P4HB: variants seen among roughly 807,000 people sequenced by gnomAD.
The protein encoded by P4HB is protein disulfide-isomerase.
P4HB carries 20 observed loss-of-function variants against 52.6 expected under a neutral mutation model. The ratio of observed to expected loss-of-function variants is 0.38; its 90% CI spans 0.27 to 0.55. The LOEUF is 0.55. P4HB is among the 20% of genes least tolerant of loss of function. P4HB has a pLI of 0.74. For missense variants in P4HB, 601 were observed against 669.2 expected (o/e 0.90, Z 1.12); for synonymous variants, 296 against 277.9 (o/e 1.07, Z -0.65).
rs1481329269 is a variant in P4HB at position 81,845,897 on chromosome 17, T to A, written c.1151A>T (p.Glu384Val). 1 of 1,613,740 alleles carries A rather than the reference T, an allele frequency of 6.2e-7. No individual in the cohort carries two copies. The highest frequency in any genetic ancestry group is 8.5e-7 in the Non-Finnish European group (1 of 1,179,970). The change falls in exon 8 of 11, where the codon GAG becomes GTG. Residue 384 changes from glutamate (E) to valine (V), a missense_variant. Physicochemically the swap from Glu to Val is moderately radical, Grantham distance 121. Transcript: ENST00000331483. ...GKNFEDVAFD[E>V]KKNVFVEFYA... ...GAACTCCACAAAGACGTTTTTTTTC[T>A]CATCAAAAGCCACGTCTTCAAAGTT...
chr17:81,856,165 A>G (rs770583875), intron 2 of P4HB, among the ~76,000 whole-genome samples: 1 of 150,472 alleles, frequency 6.6e-6, no homozygotes, highest in Non-Finnish European at 1.5e-5. Flanking sequence ...CACCAATCCC[A>G]GCCCTTTTTT....
chr17:81,855,527 T>A lies in P4HB; in HGVS notation c.412A>T (p.Thr138Ser). Residue 138 changes from threonine (T) to serine (S), a missense_variant, in exon 3 of 11, where the codon ACC (threonine) becomes TCC (serine). Physicochemically the swap from Thr to Ser is moderately conservative, Grantham distance 58 (BLOSUM62 1). Coordinates refer to ENST00000331483, the MANE Select transcript of P4HB (RefSeq NM_000918.4). This position sits in a 1 kb window ranked among gnomAD's most constrained non-coding sequence, Gnocchi z 4.3. ...GCAGCTGCGCCGTCAGGCAGGGTGG[T>A]GGCAGCCGGGCCCGTGCGCTTCTTC... ...WLKKRTGPAA[T>S]TLPDGAAAES... 1 of 1,613,974 alleles carries A rather than the reference T, an allele frequency of 6.2e-7. No homozygotes were observed. Among genetic ancestry groups the A allele is most frequent in the Middle Eastern group, 1.6e-4 (1 of 6,062 alleles).
intron 4 of P4HB, among the ~76,000 whole-genome samples, chr17:81,848,731 T>C (rs1209128342): frequency 1.1e-5 from 1 of 87,706 alleles, no homozygotes; most frequent in Non-Finnish European, 2.1e-5. Context: ...AGCGAAACTC[T>C]GTCTCAAAAA....
intron 1 of P4HB, chr17:81,859,917 G>T: frequency 5.5e-6 from 1 of 181,734 alleles, no homozygotes; most frequent in Admixed American, 6.1e-5. Flanking sequence ...TTATGGACGT[G>T]AGGAAGGCTT....
At chr17:81,844,379 G>T (rs984644257) in intron 10 of P4HB, among the ~76,000 whole-genome samples, 4 of 152,194 alleles carry the variant, frequency 2.6e-5, no homozygotes, top group African/African-American at 9.7e-5. Context: ...GGGCATGGAA[G>T]GCGTATGTGT....
Position 81,850,684 on chromosome 17 carries a change from T to C in P4HB, c.625-3337A>G, listed in dbSNP as rs2038816953. Among the ~76,000 whole-genome samples, 4 of 152,136 alleles carry C rather than the reference T, an allele frequency of 2.6e-5. No individual in the cohort carries two copies. The South Asian group carries it at 8.3e-4, about 31-fold the overall frequency. On this transcript the variant is annotated intron_variant, in intron 4 of 10. Transcript: ENST00000331483. ...TTTTATTAGAGATGGGGTTTCTCCATGTTGGTCAGGCTGGTCTCAAGCTCC... is the reference window on the plus strand; with the variant it reads ...TTTTATTAGAGATGGGGTTTCTCCACGTTGGTCAGGCTGGTCTCAAGCTCC...
Position 81,845,870 on chromosome 17 carries a change from C to T in P4HB, c.1177+1G>A. ...TGGGGAGCTGAAAGGGCAACACTTA[C>T]AGAACTCCACAAAGACGTTTTTTTT... On this transcript the variant is annotated splice_donor_variant, in intron 8 of 10. Coordinates refer to ENST00000331483, the MANE Select transcript of P4HB (RefSeq NM_000918.4). LOFTEE classifies it high-confidence loss of function. The T allele has an allele frequency of 1.2e-6, 2 of 1,614,042 alleles. No individual in the cohort carries two copies. Among genetic ancestry groups the T allele is most frequent in the Non-Finnish European group, 1.7e-6 (2 of 1,180,018 alleles).
intron 1 of P4HB, 72 bp downstream of exon 1, chr17:81,860,255 G>T: frequency 8.0e-7 from 1 of 1,245,722 alleles, no homozygotes; most frequent in Non-Finnish European, 1.0e-6. Context: ...GGGGCTGCCG[G>T]GCCGTGCCTG....
chr17:81,855,018 C>G lies in P4HB; in HGVS notation c.624+124G>C, dbSNP rs747722879. The stretch of plus-strand genomic sequence containing the variant: ...GCAACACCCCAACTTGGCAAAGCTG[C>G]AGAACATACCTATTGGGCCAAAGGT... On this transcript the variant is annotated intron_variant, in intron 4 of 10. Coordinates refer to ENST00000331483, the MANE Select transcript of P4HB (RefSeq NM_000918.4). The surrounding 1 kb of genome is among the most constrained non-coding windows in gnomAD (Gnocchi z 4.3). 4 of 923,834 alleles carry G rather than the reference C, an allele frequency of 4.3e-6. No homozygotes were observed. In the Admixed American group the frequency reaches 5.8e-5, roughly 13 times the overall value. The allele number at this position is 923,834 out of a possible 1,614,324, so 57.2% of individuals were successfully genotyped here.
chr17:81,847,530 G>C (rs1277849658), intron 4 of P4HB, 183 bp from the exon 5 acceptor site: 3 of 620,742 alleles, frequency 4.8e-6, no homozygotes, highest in Non-Finnish European at 8.8e-6. Flanking sequence ...ACTGGCTCTG[G>C]TCACGGCCTT....
chr17:81,851,366 A>C (rs1598267383), intron 4 of P4HB, among the ~76,000 whole-genome samples: 1 of 152,212 alleles, frequency 6.6e-6, no homozygotes, highest in African/African-American at 2.4e-5. Context: ...TGCCTGGGCC[A>C]CCCTGGCCTG....
intron 4 of P4HB, among the ~76,000 whole-genome samples, chr17:81,851,529 T>C (rs943665853): frequency 6.6e-6 from 1 of 152,334 alleles, no homozygotes; most frequent in Middle Eastern, 3.4e-3. Context: ...CAGGAGGCCC[T>C]TGGAGGGAAT....
At chr17:81,845,391 T>C (rs1264846132) in intron 9 of P4HB, 161 bp from the exon 10 acceptor site, 1 of 831,946 alleles carries the variant, frequency 1.2e-6, no homozygotes, top group East Asian at 2.7e-5. Context: ...GGCAATATAG[T>C]GAGATCCCAT....
intron 1 of P4HB, 120 bp downstream of exon 1, chr17:81,860,207 G>A (rs2038977099): frequency 3.7e-6 from 3 of 802,966 alleles, no homozygotes; most frequent in East Asian, 6.9e-5. Context: ...CAGCAAGGGA[G>A]CCCTTCAGTT....
intron 1 of P4HB, 199 bp downstream of exon 1, chr17:81,860,128 G>A (rs2038975339): frequency 2.4e-6 from 1 of 419,276 alleles, no homozygotes; most frequent in Non-Finnish European, 4.2e-6. Context: ...GGCGGGCATC[G>A]GGACGGCCCC....
chr17:81,848,359 C>T (rs991744380), intron 4 of P4HB, among the ~76,000 whole-genome samples: 32 of 152,330 alleles, frequency 2.1e-4, no homozygotes, highest in African/African-American at 7.5e-4. Flanking sequence ...TAAAACATCA[C>T]TCAGCACTAA....
At chr17:81,857,640 C>T (rs533509070) in intron 2 of P4HB, among the ~76,000 whole-genome samples, 77 of 152,302 alleles carry the variant, frequency 5.1e-4, no homozygotes, top group East Asian at 5.0e-3. Flanking sequence ...TTATCCCAGG[C>T]GTTTCGGGAG....
intron 4 of P4HB, among the ~76,000 whole-genome samples, chr17:81,848,759 AAAAG>A (rs2038780062): frequency 6.7e-6 from 1 of 148,260 alleles, no homozygotes; most frequent in Non-Finnish European, 1.5e-5. Flanking sequence ...AAAAAAAAAA[AAAAG>A]GCCAGGTGCA....
chr17:81,860,199 G>A (rs2038976933), intron 1 of P4HB, 128 bp downstream of exon 1: 5 of 769,868 alleles, frequency 6.5e-6, no homozygotes, highest in African/African-American at 3.7e-5. Context: ...AAGGCGGGCA[G>A]CAAGGGAGCC....
Sources: allele counts gnomAD v4.1 joint callset (sites outside exome capture counted in the v4.1 genomes callset), GRCh38; gene constraint gnomAD v4.1.1; non-coding constraint Gnocchi (gnomAD v3.1); transcripts MANE v1.5; gene names NCBI Gene and HGNC (gene_info 2026-07-23, HGNC 2026-07-21).